The following DLG2 variants were observed in gnomAD, a reference collection of about 807,000 sequenced individuals.
DLG2 encodes the protein disks large homolog 2.
A neutral mutation model predicts 132.5 loss-of-function variants in DLG2; 45 were observed. That is an observed-to-expected ratio of 0.34 (90% CI 0.27 to 0.44). The LOEUF (loss-of-function observed/expected upper bound fraction) is 0.44. Ranked by LOEUF, DLG2 falls within the 20% of genes least tolerant of loss-of-function variation. The probability of loss-of-function intolerance (pLI) is 1.00; values close to 1 mark genes in which losing one functional copy is unlikely to be tolerated. For missense variants in DLG2, 1,045 were observed against 1,196.9 expected, an observed-to-expected ratio of 0.87 and a Z score of 1.87; for synonymous variants, 424 against 419.6, an observed-to-expected ratio of 1.01 and a Z score of -0.13.
At chr11:85,130,656 A>T (rs1434081084) in intron 5 of DLG2, among the ~76,000 whole-genome samples, 1 of 152,194 alleles carries the variant, frequency 6.6e-6, no homozygotes, top group Admixed American at 6.5e-5. Context: ...AGCCAGAGCT[A>T]TTGGAAAGTG....
chr11:83,708,887 C>A (rs1220534959), intron 18 of DLG2, among the ~76,000 whole-genome samples: 4 of 152,088 alleles, frequency 2.6e-5, no homozygotes. Flanking sequence ...GGATTGCATT[C>A]CAGCTCTGCC....
chr11:85,353,352 G>A (rs150353783), intron 3 of DLG2, among the ~76,000 whole-genome samples: 7,389 of 152,282 alleles, frequency 0.049, 236 homozygotes, highest in East Asian at 0.094. Context: ...ATGCTGGAGA[G>A]GATGTGGAGA....
intron 6 of DLG2, among the ~76,000 whole-genome samples, chr11:85,000,046 G>A (rs923838829): frequency 1.4e-4 from 22 of 151,914 alleles, no homozygotes; most frequent in African/African-American, 5.1e-4. Flanking sequence ...TGAGCATTAT[G>A]TCTCTTATCT....
intron 6 of DLG2, among the ~76,000 whole-genome samples, chr11:85,103,954 A>C: frequency 6.6e-6 from 1 of 151,888 alleles, no homozygotes; most frequent in Non-Finnish European, 1.5e-5. Context: ...TAAGTACATG[A>C]AAACACGGTC....
intron 4 of DLG2, among the ~76,000 whole-genome samples, chr11:85,161,365 T>C (rs1028205678): frequency 1.3e-5 from 2 of 152,178 alleles, no homozygotes; most frequent in African/African-American, 4.8e-5. Context: ...TGCCTGGTTA[T>C]GGCCACTGCT....
At chr11:84,877,919 T>G (rs2086649474) in intron 6 of DLG2, among the ~76,000 whole-genome samples, 1 of 151,950 alleles carries the variant, frequency 6.6e-6, no homozygotes, top group South Asian at 2.1e-4. Context: ...AACAGACACT[T>G]CTCAAAAGAA....
intron 3 of DLG2, among the ~76,000 whole-genome samples, chr11:85,531,000 C>T (rs745876718): frequency 6.6e-6 from 1 of 152,036 alleles, no homozygotes; most frequent in Non-Finnish European, 1.5e-5. Context: ...CCCTATTTCC[C>T]TCGTAAATAA....
intron 10 of DLG2, among the ~76,000 whole-genome samples, chr11:84,062,210 T>C (rs540874206): frequency 1.7e-4 from 26 of 152,200 alleles, no homozygotes; most frequent in Non-Finnish European, 3.7e-4. Flanking sequence ...GTGGATCAAG[T>C]AGGCAGCTTT....
intron 8 of DLG2, among the ~76,000 whole-genome samples, chr11:84,197,149 G>C (rs1298931199): frequency 6.6e-6 from 1 of 151,124 alleles, no homozygotes; most frequent in Non-Finnish European, 1.5e-5. Flanking sequence ...CATATGTTGA[G>C]TATTTTTATA....
chr11:84,241,697 G>A (rs1446596787), intron 8 of DLG2, among the ~76,000 whole-genome samples: 1 of 152,098 alleles, frequency 6.6e-6, no homozygotes, highest in Non-Finnish European at 1.5e-5. Flanking sequence ...CTTCCTGTAT[G>A]CAGTATTTCC....
intron 6 of DLG2, among the ~76,000 whole-genome samples, chr11:84,669,296 G>A (rs1472555691): frequency 6.6e-6 from 1 of 152,070 alleles, no homozygotes; most frequent in Non-Finnish European, 1.5e-5. Context: ...GGGGGAGTAT[G>A]GCTAGAGACA....
chr11:84,404,420 C>T (rs150055925), intron 7 of DLG2, among the ~76,000 whole-genome samples: 6 of 152,250 alleles, frequency 3.9e-5, no homozygotes, highest in African/African-American at 1.4e-4. Context: ...AGTTAGCACC[C>T]TCACCTACCT....
chr11:85,164,143 T>C (rs967910882), intron 4 of DLG2, among the ~76,000 whole-genome samples: 3 of 152,154 alleles, frequency 2.0e-5, no homozygotes, highest in Non-Finnish European at 4.4e-5. Context: ...CTGATAAAAG[T>C]TGTCATAGAC....
At chr11:83,500,061 T>C (rs1298886914) in intron 21 of DLG2, among the ~76,000 whole-genome samples, 1 of 151,386 alleles carries the variant, frequency 6.6e-6, no homozygotes, top group East Asian at 1.9e-4. Flanking sequence ...TGCTTGCATA[T>C]ACTCCCCTCC....
At chr11:85,607,675 G>A (rs1234618057) in intron 2 of DLG2, among the ~76,000 whole-genome samples, 1 of 152,200 alleles carries the variant, frequency 6.6e-6, no homozygotes. Context: ...CCCGTCATAG[G>A]GGAGACTATC....
chr11:84,032,312 T>C (rs914931042), intron 11 of DLG2, among the ~76,000 whole-genome samples: 6 of 152,100 alleles, frequency 3.9e-5, no homozygotes, highest in African/African-American at 1.4e-4. Context: ...TTGAAGGAAA[T>C]TGAAAGTGTG....
intron 18 of DLG2, among the ~76,000 whole-genome samples, chr11:83,714,663 A>T (rs2086263402): frequency 6.6e-6 from 1 of 152,224 alleles, no homozygotes; most frequent in Admixed American, 6.5e-5. Flanking sequence ...CTCCACAGTA[A>T]CAGCTATCAT....
intron 3 of DLG2, among the ~76,000 whole-genome samples, chr11:85,421,786 A>G (rs2090334509): frequency 6.6e-6 from 1 of 151,400 alleles, no homozygotes; most frequent in Admixed American, 6.6e-5. Flanking sequence ...TGGTCCTCTG[A>G]GATTTAGGCT....
At chr11:84,963,628 A>G (rs780960034) in intron 6 of DLG2, among the ~76,000 whole-genome samples, 3 of 152,220 alleles carry the variant, frequency 2.0e-5, no homozygotes, top group Non-Finnish European at 4.4e-5. Flanking sequence ...GCTTAATTTC[A>G]GGATCTCCTT....
Sources: allele counts gnomAD v4.1 joint callset (sites outside exome capture counted in the v4.1 genomes callset), GRCh38; gene constraint gnomAD v4.1.1; transcripts MANE v1.5; gene names NCBI Gene and HGNC (gene_info 2026-07-23, HGNC 2026-07-21).